Variants in SLFN12L observed in about 807,000 individuals in gnomAD.
SLFN12L encodes schlafen family member 12-like.
SLFN12L carries 34 observed loss-of-function variants against 34.8 expected under a neutral mutation model. That is an observed-to-expected ratio of 0.98 (90% CI 0.74 to 1.30). SLFN12L has a LOEUF of 1.30. SLFN12L is among the 50% of genes most tolerant of loss of function. SLFN12L has a pLI of 0.00. For synonymous variants in SLFN12L, 259 were observed against 247.5 expected, an observed-to-expected ratio of 1.05 and a Z score of -0.44; for missense variants, 703 against 696.2, an observed-to-expected ratio of 1.01 and a Z score of -0.11.
At chr17:35,490,068 C>T (rs1914770579) in intron 2 of SLFN12L, 1 of 1,606,368 alleles carries the variant, frequency 6.2e-7, no homozygotes, top group Non-Finnish European at 8.5e-7. Context: ...CAAAGCGGCG[C>T]CGTAGCCACC....
chr17:35,520,370 A>G (rs905099660), intron 2 of SLFN12L, among the ~76,000 whole-genome samples: 19 of 152,240 alleles, frequency 1.2e-4, no homozygotes, highest in African/African-American at 4.3e-4. Context: ...TTCTCCTGAA[A>G]AGACTTTTGA....
At chr17:35,507,599 T>G (rs909150403) in intron 2 of SLFN12L, among the ~76,000 whole-genome samples, 1 of 152,186 alleles carries the variant, frequency 6.6e-6, no homozygotes, top group African/African-American at 2.4e-5. Context: ...AATTGGCACA[T>G]GTGCCCATGC....
In SLFN12L at chr17:35,469,319, TA is replaced by T. The variant is rs1567635895; in HGVS notation, c.*5603del. ...ATATATATAAAATATATATATATTATATATATAAATATATATATAATATATA... is the reference window on the plus strand; with the variant it reads ...ATATATATAAAATATATATATATTATTATATAAATATATATATAATATATA... On this transcript the variant is annotated 3_prime_UTR_variant, in exon 5 of 5. Transcript: ENST00000628453. Among the ~76,000 whole-genome samples, 3 of 129,050 alleles carry T rather than the reference TA, an allele frequency of 2.3e-5. No homozygotes were observed. The highest frequency in any genetic ancestry group is 3.2e-5 in the Non-Finnish European group (2 of 62,064). The allele number at this position is 129,050 out of a possible 152,430, so 84.7% of individuals were successfully genotyped here. A position where few individuals can be genotyped will look rare whatever the true frequency, so the allele number is the denominator to read the frequency against.
chr17:35,517,117 A>C (rs992058941), intron 2 of SLFN12L, among the ~76,000 whole-genome samples: 2 of 152,234 alleles, frequency 1.3e-5, no homozygotes, highest in Non-Finnish European at 2.9e-5. Context: ...CAAATTAAGA[A>C]AACAAACAAA....
At chr17:35,506,045 C>T (rs1484627888) in intron 2 of SLFN12L, among the ~76,000 whole-genome samples, 1 of 152,116 alleles carries the variant, frequency 6.6e-6, no homozygotes, top group Non-Finnish European at 1.5e-5. Flanking sequence ...GTATGTAGCC[C>T]AGGAAATGAC....
chr17:35,505,466 GC>G (rs949746873), intron 2 of SLFN12L, among the ~76,000 whole-genome samples: 13 of 152,096 alleles, frequency 8.5e-5, no homozygotes, highest in African/African-American at 2.9e-4. Context: ...AAACTTAAAG[GC>G]CCCCCACGCT....
intron 1 of SLFN12L, among the ~76,000 whole-genome samples, chr17:35,536,139 A>T (rs2072459842): frequency 1.3e-5 from 2 of 152,270 alleles, no homozygotes; most frequent in East Asian, 3.9e-4. Flanking sequence ...ACTCTTAATC[A>T]TTGTGCAAAC....
intron 2 of SLFN12L, among the ~76,000 whole-genome samples, chr17:35,485,422 T>C (rs904596898): frequency 6.6e-6 from 1 of 152,210 alleles, no homozygotes; most frequent in African/African-American, 2.4e-5. Flanking sequence ...GTCTGGATAT[T>C]AGTCTTTTGT....
chr17:35,512,075 C>A (rs1017823440), intron 2 of SLFN12L, among the ~76,000 whole-genome samples: 1 of 151,778 alleles, frequency 6.6e-6, no homozygotes, highest in Non-Finnish European at 1.5e-5. Context: ...GGACTTGGTT[C>A]TATCACCCGG....
chr17:35,533,259 G>A (rs1305853874), intron 1 of SLFN12L, among the ~76,000 whole-genome samples: 4 of 152,114 alleles, frequency 2.6e-5, no homozygotes, highest in African/African-American at 4.8e-5. Flanking sequence ...AATGAACTAG[G>A]TACTTCTCAA....
chr17:35,496,697 C>T (rs1915095419), intron 2 of SLFN12L, among the ~76,000 whole-genome samples: 1 of 152,118 alleles, frequency 6.6e-6, no homozygotes, highest in South Asian at 2.1e-4. Flanking sequence ...TCCTGTCCTC[C>T]CCAGGACTGG....
chr17:35,481,901 C>T (rs1217369322), intron 2 of SLFN12L, among the ~76,000 whole-genome samples: 1 of 152,154 alleles, frequency 6.6e-6, no homozygotes, highest in Non-Finnish European at 1.5e-5. Flanking sequence ...GCTCTTGTTG[C>T]CCAGGCTGGA....
intron 2 of SLFN12L, among the ~76,000 whole-genome samples, chr17:35,515,352 A>G (rs992423498): frequency 6.6e-6 from 1 of 152,216 alleles, no homozygotes; most frequent in African/African-American, 2.4e-5. Context: ...TTCATTTACT[A>G]TATTTGTGCA....
rs953978714 is a variant in SLFN12L at position 35,498,230 on chromosome 17, T to C, written c.87-18035A>G. 19 of 656,790 alleles carry C rather than the reference T, an allele frequency of 2.9e-5. No individual in the cohort carries two copies. The Admixed American group carries it at 3.9e-4, about 13-fold the overall frequency. The allele number at this position is 656,790 out of a possible 1,614,324, so 40.7% of individuals were successfully genotyped here. On this transcript the variant is annotated intron_variant, in intron 2 of 4. Coordinates refer to ENST00000628453, the MANE Select transcript of SLFN12L (RefSeq NM_001363830.2). ...GATGTTCAGTCATGAAATGAGTGCG[T>C]ACCGAGGAGATCCAGATGGCAGTGT...
chr17:35,526,159 T>G (rs1015250615), intron 1 of SLFN12L, among the ~76,000 whole-genome samples: 2 of 152,142 alleles, frequency 1.3e-5, no homozygotes, highest in Non-Finnish European at 1.5e-5. Context: ...AAGAGCTAAC[T>G]ATCCTAAATA....
rs927335863 is a variant in SLFN12L, at chr17:35,466,388, T to C, written c.*8535A>G. 2.6e-5 allele frequency among the ~76,000 whole-genome samples: 4 copies of C among 152,204 alleles called. No individual in the cohort carries two copies. Among genetic ancestry groups the C allele is most frequent in the African/African-American group, 9.6e-5 (4 of 41,456 alleles). ...ATCTTGCCTTTTACAGAATGTCATA[T>C]AGTTGGAATCATACAGTATATAGCC... On this transcript the variant is annotated 3_prime_UTR_variant, in exon 5 of 5. Transcript: ENST00000628453.
chr17:35,515,082 T>C (rs1915769436), intron 2 of SLFN12L: 2 of 624,294 alleles, frequency 3.2e-6, no homozygotes, highest in Non-Finnish European at 6.3e-6. Context: ...TGGACGCCTA[T>C]TCTTTAAGTT....
chr17:35,482,273 A>G (rs1028689513), intron 2 of SLFN12L, among the ~76,000 whole-genome samples: 3 of 152,186 alleles, frequency 2.0e-5, no homozygotes, highest in Non-Finnish European at 4.4e-5. Flanking sequence ...GGCGTTTGGG[A>G]GGTGATTAGG....
chr17:35,528,387 G>A (rs1418234939), intron 1 of SLFN12L, among the ~76,000 whole-genome samples: 2 of 151,676 alleles, frequency 1.3e-5, no homozygotes, highest in African/African-American at 4.8e-5. Context: ...GCATAGCCAA[G>A]ACAATCCTAA....
Sources: allele counts gnomAD v4.1 joint callset (sites outside exome capture counted in the v4.1 genomes callset), GRCh38; gene constraint gnomAD v4.1.1; transcripts MANE v1.5; gene names NCBI Gene and HGNC (gene_info 2026-07-23, HGNC 2026-07-21).